The following CNKSR2 variants were observed in gnomAD, a reference collection of about 807,000 sequenced individuals.
CNKSR2 encodes CNK homolog protein 2.
Under a neutral mutation model 84.4 loss-of-function variants are expected in CNKSR2, and 14 were observed. The ratio of observed to expected loss-of-function variants is 0.17; its 90% confidence interval spans 0.11 to 0.26. CNKSR2 has a LOEUF of 0.26. Among genes scored for constraint, CNKSR2 ranks in the 10% least tolerant of loss-of-function variants. The pLI is 1.00. For synonymous variants in CNKSR2, 275 were observed against 277.9 expected (o/e 0.99, Z 0.10); for missense variants, 485 against 771.2 (o/e 0.63, Z 4.40).
chrX:21,594,816 T>A (rs2092442294), intron 15 of CNKSR2, 158 bp from the exon 16 acceptor site: 1 of 380,670 alleles, frequency 2.6e-6, no homozygotes, highest in South Asian at 7.1e-5. Context: ...ATTTATGGAG[T>A]ACAGCAGGTA....
At chrX:21,399,991 A>C (rs1420393164) in intron 1 of CNKSR2, among the ~76,000 whole-genome samples, 1 of 111,131 alleles carries the variant, frequency 9.0e-6, no homozygotes, top group Non-Finnish European at 1.9e-5. Context: ...ACTGGCACTT[A>C]GTACATTCTA....
intron 1 of CNKSR2, chrX:21,423,283 G>T (rs1174873995): frequency 9.0e-6 from 1 of 111,212 alleles, no homozygotes; most frequent in Non-Finnish European, 1.9e-5. Context: ...AATGGACTTG[G>T]GTTTAGACCT....
Position 21,575,518 on chromosome X carries a change from A to G in CNKSR2, c.1608+12066A>G, listed in dbSNP as rs185815686. Among the ~76,000 whole-genome samples the G allele has an allele frequency of 3.9e-3, 439 of 111,235 alleles. 3 individuals carry two copies. Among genetic ancestry groups the G allele is most frequent in the African/African-American group, 0.014 (416 of 30,581 alleles). On this transcript the variant is annotated intron_variant, in intron 13 of 21. Coordinates refer to ENST00000379510, the MANE Select transcript of CNKSR2 (RefSeq NM_014927.5). ...AGATGGAGTACACACATTTTATTTT[A>G]TTTTTCCTGCTACTCACAACCAAAA...
intron 13 of CNKSR2, among the ~76,000 whole-genome samples, chrX:21,572,579 G>A (rs1250495935): frequency 1.8e-5 from 2 of 111,442 alleles, no homozygotes; most frequent in Admixed American, 9.5e-5. Context: ...CACGGCAGAA[G>A]AGGAAGCAAA....
chrX:21,441,765 A>G lies in CNKSR2; in HGVS notation c.519+984A>G, dbSNP rs142526485. On this transcript the variant is annotated intron_variant, in intron 4 of 21. Transcript: ENST00000379510. ...GCCAGTAAAAGAGGCCAATTTGAAT[A>G]AGCAAGGTGTAGACTTTTAAAAAAA... Among the ~76,000 whole-genome samples the G allele has an allele frequency of 7.4e-3, 828 of 111,821 alleles. 11 individuals are homozygous for G. The highest frequency in any genetic ancestry group is 0.026 in the African/African-American group (796 of 30,876).
chrX:21,587,339 A>T (rs1322539700), intron 13 of CNKSR2, among the ~76,000 whole-genome samples: 1 of 112,097 alleles, frequency 8.9e-6, no homozygotes, highest in African/African-American at 3.2e-5. Context: ...CTTCTAAAGA[A>T]TATACTTACT....
rs903195005 is a variant in CNKSR2 at position 21,496,184 on chromosome X, G to A, written c.682-1603G>A. Among the ~76,000 whole-genome samples the A allele has an allele frequency of 2.7e-5, 3 of 111,639 alleles. No individual in the cohort carries two copies. The South Asian group carries it at 1.1e-3, about 41-fold the overall frequency. On this transcript the variant is annotated intron_variant, in intron 6 of 21. Transcript: ENST00000379510. ...TATATAGTTCACTATTAACCAGGAC[G>A]TCATTATGCATCACATGACTGTATT...
At chrX:21,417,009 T>C (rs982504474) in intron 1 of CNKSR2, among the ~76,000 whole-genome samples, 1 of 110,798 alleles carries the variant, frequency 9.0e-6, no homozygotes, top group Non-Finnish European at 1.9e-5. Context: ...ATTGTTAGGT[T>C]GTTTATTTGA....
At chrX:21,535,887 G>A (rs1034716718) in intron 11 of CNKSR2, among the ~76,000 whole-genome samples, 29 of 111,199 alleles carry the variant, frequency 2.6e-4, no homozygotes, top group Admixed American at 8.6e-4. Flanking sequence ...TCTCTGGTTA[G>A]CATTTCCAGT....
intron 13 of CNKSR2, 88 bp from the exon 14 acceptor site, chrX:21,590,484 T>C: frequency 1.1e-6 from 1 of 872,187 alleles, no homozygotes; most frequent in Non-Finnish European, 1.6e-6. Context: ...AGAGTCATCA[T>C]TTAGCTCTTG....
chrX:21,493,656 C>T (rs1313326391), intron 6 of CNKSR2: 3 of 111,903 alleles, frequency 2.7e-5, no homozygotes, highest in Non-Finnish European at 3.8e-5. Context: ...TGTCCTCCTG[C>T]TGTTTGGCCC....
At position 21,374,807 on chromosome X, in the gene CNKSR2, C is replaced by A; in HGVS notation, c.-91C>A. ...CGCCGCCCGCCCAGGGAGGCTGCGG[C>A]CAGCAAGGGACCCCACCTGAGAGCA... On this transcript the variant is annotated 5_prime_UTR_variant, in exon 1 of 22. Coordinates refer to ENST00000379510, the MANE Select transcript of CNKSR2 (RefSeq NM_014927.5). The A allele has an allele frequency of 1.2e-6, 1 of 810,754 alleles. No individual in the cohort carries two copies. Among genetic ancestry groups the A allele is most frequent in the Non-Finnish European group, 1.9e-6 (1 of 532,276 alleles). 66.8% of individuals were successfully genotyped at this position (810,754 alleles called of 1,213,427 possible).
chrX:21,418,513 A>G (rs1420384759), intron 1 of CNKSR2, among the ~76,000 whole-genome samples: 1 of 111,580 alleles, frequency 9.0e-6, no homozygotes, highest in Non-Finnish European at 1.9e-5. Flanking sequence ...TTTTGTTTGG[A>G]AAAGTCTTTA....
In CNKSR2 at chrX:21,410,032, CTGTGTGTGTGTG is replaced by C. The variant is rs60351010; in HGVS notation, c.65-16443_65-16432del. Among the ~76,000 whole-genome samples the C allele has an allele frequency of 1.3e-4, 13 of 97,688 alleles. No homozygotes were observed. In the South Asian group the frequency reaches 4.2e-3, roughly 32 times the overall value. The allele number at this position is 97,688 out of a possible 115,157, so 84.8% of individuals were successfully genotyped here. A position where few individuals can be genotyped will look rare whatever the true frequency, so the allele number is the denominator to read the frequency against. On this transcript the variant is annotated intron_variant, in intron 1 of 21. Transcript: ENST00000379510. ...TCTAGAAACATAAGCCTAATTGTGT[CTGTGTGTGTGTG>C]TGTGTGTGTGTGTGTGTGTGTATAA...
chrX:21,532,030 A>G lies in CNKSR2; in HGVS notation c.1266A>G (p.Ser422=). The G allele has an allele frequency of 8.3e-7, 1 of 1,203,291 alleles. No individual in the cohort carries two copies. The highest frequency in any genetic ancestry group is 3.0e-5 in the East Asian group (1 of 33,707). The change falls in exon 11 of 22, where the codon TCA becomes TCG. Residue 422 remains serine, a synonymous_variant. Coordinates refer to ENST00000379510, the MANE Select transcript of CNKSR2 (RefSeq NM_014927.5). Reference sequence around the variant, plus strand: ...GCTATGAATATGAAAAAGGAAGATCAAGTAGTCAAGGAAGACGAGAAAGCA... The same window carrying G: ...GCTATGAATATGAAAAAGGAAGATCGAGTAGTCAAGGAAGACGAGAAAGCA... ...LYCYEYEKGR[S]SSQGRRESTP...
In CNKSR2 at chrX:21,539,622, ACTT is replaced by A. The variant is rs199774048; in HGVS notation, c.1303+7559_1303+7561del. On this transcript the variant is annotated intron_variant, in intron 11 of 21. Transcript: ENST00000379510. ...TATCTGTGCATCTGGTGAAGCAGTC[ACTT>A]CTTTGAATTTTGTGGGTTTGCTTTC... is the stretch of plus-strand genomic sequence containing the variant. Among the ~76,000 whole-genome samples, 1,001 of 111,149 alleles carry A rather than the reference ACTT, an allele frequency of 9.0e-3. 10 individuals carry two copies. The highest frequency in any genetic ancestry group is 0.031 in the African/African-American group (937 of 30,530).
intron 4 of CNKSR2, among the ~76,000 whole-genome samples, chrX:21,451,044 T>C (rs1167494998): frequency 8.9e-6 from 1 of 112,287 alleles, no homozygotes; most frequent in Non-Finnish European, 1.9e-5. Flanking sequence ...AATTTTATTT[T>C]CAACAATATG....
intron 1 of CNKSR2, among the ~76,000 whole-genome samples, chrX:21,386,590 A>G (rs1163222058): frequency 1.8e-5 from 2 of 112,189 alleles, no homozygotes; most frequent in Non-Finnish European, 3.8e-5. Context: ...ATTCTAGTAT[A>G]TATGTGGAAA....
Position 21,559,954 on chromosome X carries a change from T to C in CNKSR2, c.1304-1517T>C, listed in dbSNP as rs1393261248. 2.0e-4 allele frequency among the ~76,000 whole-genome samples: 22 copies of C among 111,713 alleles called. No homozygotes were observed. The East Asian group carries it at 4.5e-3, about 23-fold the overall frequency. ...GTGTTCACAATAAAAAGCCATAAGATTGATACTTTTTCCTTAAGAACAGAA... is the reference window on the plus strand; with the variant it reads ...GTGTTCACAATAAAAAGCCATAAGACTGATACTTTTTCCTTAAGAACAGAA... On this transcript the variant is annotated intron_variant, in intron 11 of 21. Transcript: ENST00000379510.
Sources: gnomAD v4.1 joint callset for allele counts (sites outside exome capture counted in the v4.1 genomes callset) on GRCh38, gnomAD v4.1.1 for gene constraint, MANE v1.5 for transcripts, NCBI Gene and HGNC (gene_info 2026-07-23, HGNC 2026-07-21) for gene names.